Variants in SDE2 observed in about 807,000 individuals in gnomAD.
The protein encoded by SDE2 is spliceosome associated SDE2, also known as splicing regulator SDE2.
A neutral mutation model predicts 46.9 loss-of-function variants in SDE2; 31 were observed. That is an observed-to-expected ratio of 0.66 (90% CI 0.50 to 0.89). The LOEUF (loss-of-function observed/expected upper bound fraction) is 0.89. Among genes scored for constraint, SDE2 ranks in the 40% least tolerant of loss-of-function variants. The pLI, the probability that SDE2 is intolerant of heterozygous loss-of-function variation, is 0.00. For synonymous variants in SDE2, 205 were observed against 204.3 expected (o/e 1.00, Z -0.03); for missense variants, 542 against 564.4 (o/e 0.96, Z 0.40).
intron 1 of SDE2, among the ~76,000 whole-genome samples, chr1:225,996,785 T>C (rs1306993744): frequency 6.6e-6 from 1 of 152,190 alleles, no homozygotes; most frequent in Non-Finnish European, 1.5e-5. Flanking sequence ...CATCAAGCAG[T>C]GTTTAAAAAG....
rs771443315 is a variant in SDE2, at chr1:225,999,212, T to G, written c.101A>C (p.His34Pro). ...SGRCTVRDFI[H>P]RHCQDQNVPV... Reference sequence around the variant, plus strand: ...CCTCACCTGATCTTGGCAGTGCCGGTGGATAAAATCCCGGACGGTGCACCG... The same window carrying G: ...CCTCACCTGATCTTGGCAGTGCCGGGGGATAAAATCCCGGACGGTGCACCG... Residue 34 changes from histidine (H) to proline (P), a missense_variant, in exon 1 of 7, where the codon CAC becomes CCC. By Grantham distance (77) the His-to-Pro change is moderately conservative (BLOSUM62 -2). Transcript: ENST00000272091. The G allele has an allele frequency of 6.8e-6, 11 of 1,612,732 alleles. No homozygotes were observed. In the East Asian group the frequency reaches 2.2e-4, roughly 33 times the overall value.
chr1:225,994,066 G>A lies in SDE2; in HGVS notation c.239-1064C>T, dbSNP rs377721107. Among the ~76,000 whole-genome samples, 128 of 151,370 alleles carry A rather than the reference G, an allele frequency of 8.5e-4. 1 individual carries two copies. Among genetic ancestry groups the A allele is most frequent in the African/African-American group, 2.9e-3 (121 of 41,250 alleles). On this transcript the variant is annotated intron_variant, in intron 2 of 6. Transcript: ENST00000272091. The stretch of plus-strand genomic sequence containing the variant: ...TTACAGGCATGAGCCACCATGCCTG[G>A]CCACATGCTTCATTCTTTTTTTTTT...
At chr1:225,991,625 C>G (rs565075263) in intron 4 of SDE2, among the ~76,000 whole-genome samples, 110 of 152,230 alleles carry the variant, frequency 7.2e-4, no homozygotes, top group Non-Finnish European at 1.3e-3. Flanking sequence ...CTCCCCAAAC[C>G]TAATTATTTA....
chr1:225,985,235 G>A lies in SDE2; in HGVS notation c.*67C>T. The A allele has an allele frequency of 8.2e-7, 1 of 1,220,550 alleles. No homozygotes were observed. The highest frequency in any genetic ancestry group is 1.7e-5 in the Admixed American group (1 of 57,976). 75.6% of individuals were successfully genotyped at this position (1,220,550 alleles called of 1,614,324 possible). ...TAATATCAACAGGAATACTGGTCAAGAGTCCACATTATGCAGGTTGTAAAT... is the reference window on the plus strand; with the variant it reads ...TAATATCAACAGGAATACTGGTCAAAAGTCCACATTATGCAGGTTGTAAAT... On this transcript the variant is annotated 3_prime_UTR_variant, in exon 7 of 7. Coordinates refer to ENST00000272091, the MANE Select transcript of SDE2 (RefSeq NM_152608.4).
intron 2 of SDE2, among the ~76,000 whole-genome samples, chr1:225,993,334 A>G (rs1656447227): frequency 6.6e-6 from 1 of 152,168 alleles, no homozygotes; most frequent in Admixed American, 6.6e-5. Context: ...TACCCAGGCC[A>G]GGTGCAGTGG....
rs1365792562 is a variant in SDE2 at position 225,988,278 on chromosome 1, A to G, written c.752T>C (p.Ile251Thr). 1 of 1,613,990 alleles carries G rather than the reference A, an allele frequency of 6.2e-7. No individual in the cohort carries two copies. Among genetic ancestry groups the G allele is most frequent in the East Asian group, 2.2e-5 (1 of 44,902 alleles). Residue 251 changes from isoleucine (I) to threonine (T), a missense_variant, in exon 6 of 7, where the codon ATT (isoleucine) becomes ACT (threonine). This residue lies in a region of SDE2 where 401 missense variants were observed against 437.8 expected (regional missense o/e 0.92). Coordinates refer to ENST00000272091, the MANE Select transcript of SDE2 (RefSeq NM_152608.4). ...TGCCATCTCGACACCATTGCTACCA[A>G]TTTTTGGAGCATGGAAACCCATTCC... ...TSGMGFHAPK[I>T]GSNGVEMAAK...
At position 225,992,775 on chromosome 1, in the gene SDE2, T is replaced by C. The variant is rs1558084889; in HGVS notation, c.350+116A>G. 3 of 696,366 alleles carry C rather than the reference T, an allele frequency of 4.3e-6. No individual in the cohort carries two copies. In the South Asian group the frequency reaches 5.6e-5, roughly 13 times the overall value. 43.1% of individuals were successfully genotyped at this position (696,366 alleles called of 1,614,324 possible). The stretch of plus-strand genomic sequence containing the variant: ...GGAAAAGGTTAAATCTGATAATAAA[T>C]TTGGATGTAAATATTTTAAGTTTCC... On this transcript the variant is annotated intron_variant, in intron 3 of 6. Coordinates refer to ENST00000272091, the MANE Select transcript of SDE2 (RefSeq NM_152608.4).
chr1:225,998,230 TAC>T (rs1408078066), intron 1 of SDE2, among the ~76,000 whole-genome samples: 1 of 152,212 alleles, frequency 6.6e-6, no homozygotes, highest in African/African-American at 2.4e-5. Flanking sequence ...CAGTTGTGCT[TAC>T]AGTTTTTAGA....
In SDE2 at chr1:225,985,422, T is replaced by G; in HGVS notation, c.1236A>C (p.Gly412=). The change falls in exon 7 of 7, where the codon GGA becomes GGC. Residue 412 remains glycine, a synonymous_variant. Coordinates refer to ENST00000272091, the MANE Select transcript of SDE2 (RefSeq NM_152608.4). Reference sequence around the variant, plus strand: ...CCTGCAGAGTGCCCCCACATTTCAGTCCAAGGGCCATCAGTTCACATTTGA... The same window carrying G: ...CCTGCAGAGTGCCCCCACATTTCAGGCCAAGGGCCATCAGTTCACATTTGA... The part of the protein sequence containing the change: ...EKLKCELMAL[G]LKCGGTLQER... 6.2e-7 allele frequency: 1 copy of G among 1,614,124 alleles called. No homozygotes were observed. The highest frequency in any genetic ancestry group is 8.5e-7 in the Non-Finnish European group (1 of 1,179,994).
intron 5 of SDE2, among the ~76,000 whole-genome samples, chr1:225,988,964 C>T (rs2102702426): frequency 6.6e-6 from 1 of 152,184 alleles, no homozygotes; most frequent in African/African-American, 2.4e-5. Context: ...GCTTTCTTCC[C>T]CCGCATTACA....
chr1:225,997,581 C>T (rs1236928591), intron 1 of SDE2, among the ~76,000 whole-genome samples: 1 of 152,014 alleles, frequency 6.6e-6, no homozygotes, highest in Non-Finnish European at 1.5e-5. Flanking sequence ...AGGCGTCTGC[C>T]GCCACGCCTG....
intron 2 of SDE2, among the ~76,000 whole-genome samples, chr1:225,994,727 C>T (rs1040452534): frequency 5.9e-5 from 9 of 152,150 alleles, no homozygotes; most frequent in Non-Finnish European, 2.9e-5. Context: ...AGAATAATGG[C>T]CATCTCTCTT....
intron 6 of SDE2, among the ~76,000 whole-genome samples, chr1:225,986,590 A>G (rs75337458): frequency 0.016 from 2,509 of 152,294 alleles, 64 homozygotes; most frequent in African/African-American, 0.057. Context: ...TGTTTAAAGA[A>G]TCACACTTGG....
chr1:225,986,537 C>A (rs1656275116), intron 6 of SDE2, among the ~76,000 whole-genome samples: 1 of 152,062 alleles, frequency 6.6e-6, no homozygotes, highest in African/African-American at 2.4e-5. Context: ...TGGGAGTTAA[C>A]CTTGGCTTAT....
Position 225,984,157 on chromosome 1 carries a change from G to C in SDE2, c.*1145C>G, listed in dbSNP as rs576532118. 1 of 152,218 alleles carries C rather than the reference G, an allele frequency of 6.6e-6. No homozygotes were observed. Among genetic ancestry groups the C allele is most frequent in the African/African-American group, 2.4e-5 (1 of 41,518 alleles). The allele number at this position is 152,218 out of a possible 1,614,324, so 9.4% of individuals were successfully genotyped here. A position where few individuals can be genotyped will look rare whatever the true frequency, so the allele number is the denominator to read the frequency against. ...AGCTACTGAGGAGGCTGAGGCAGGA[G>C]AATCGCTTGAACCCAGGAGGCAGAG... On this transcript the variant is annotated 3_prime_UTR_variant, in exon 7 of 7. Transcript: ENST00000272091.
chr1:225,988,807 A>G (rs1227200719), intron 5 of SDE2, among the ~76,000 whole-genome samples: 1 of 152,224 alleles, frequency 6.6e-6, no homozygotes, highest in African/African-American at 2.4e-5. Flanking sequence ...GATGGAGAAC[A>G]GGCAAATTTC....
At position 225,988,064 on chromosome 1, in the gene SDE2, C is replaced by T. The variant is rs1391780929; in HGVS notation, c.966G>A (p.Lys322=). 1.2e-6 allele frequency: 2 copies of T among 1,614,214 alleles called. No homozygotes were observed. The highest frequency in any genetic ancestry group is 1.7e-6 in the Non-Finnish European group (2 of 1,180,026). ...MVTETEETQE[K]KAESKEPIEE... ...CTATGGGTTCTTTACTCTCTGCCTTCTTCTCCTGGGTCTCTTCTGTTTCTG... is the reference window on the plus strand; with the variant it reads ...CTATGGGTTCTTTACTCTCTGCCTTTTTCTCCTGGGTCTCTTCTGTTTCTG... The change falls in exon 6 of 7, where the codon AAG becomes AAA. Residue 322 remains lysine, a synonymous_variant. Coordinates refer to ENST00000272091, the MANE Select transcript of SDE2 (RefSeq NM_152608.4).
At chr1:225,993,491 A>G (rs906042914) in intron 2 of SDE2, among the ~76,000 whole-genome samples, 2 of 152,280 alleles carry the variant, frequency 1.3e-5, no homozygotes, top group Admixed American at 6.5e-5. Flanking sequence ...GGGCGCCTGT[A>G]GTCCCAGCTA....
chr1:225,985,242 CA>C lies in SDE2; in HGVS notation c.*59del, dbSNP rs1656242982. 1 of 1,321,268 alleles carries C rather than the reference CA, an allele frequency of 7.6e-7. No homozygotes were observed. The highest frequency in any genetic ancestry group is 1.9e-4 in the Middle Eastern group (1 of 5,258). 81.8% of individuals were successfully genotyped at this position (1,321,268 alleles called of 1,614,324 possible). On this transcript the variant is annotated 3_prime_UTR_variant, in exon 7 of 7. Coordinates refer to ENST00000272091, the MANE Select transcript of SDE2 (RefSeq NM_152608.4). Reference sequence around the variant, plus strand: ...AACAGGAATACTGGTCAAGAGTCCACATTATGCAGGTTGTAAATGGTAGACA... The same window carrying C: ...AACAGGAATACTGGTCAAGAGTCCACTTATGCAGGTTGTAAATGGTAGACA...
Sources: gnomAD v4.1 joint callset for allele counts (sites outside exome capture counted in the v4.1 genomes callset) on GRCh38, gnomAD v4.1.1 for gene constraint, gnomAD v4.1.1 regional missense constraint, MANE v1.5 for transcripts, NCBI Gene and HGNC (gene_info 2026-07-23, HGNC 2026-07-21) for gene names.